The following ARSB variants were observed in gnomAD, a reference collection of about 807,000 sequenced individuals.
ARSB encodes the protein arylsulfatase B, also known as N-acetylgalactosamine-4-sulfatase.
ARSB carries 41 observed loss-of-function variants against 50.9 expected under a neutral mutation model. That is an observed-to-expected ratio of 0.81 (90% CI 0.63 to 1.04). The LOEUF is 1.04. Ranked by LOEUF, ARSB falls within the 50% of genes least tolerant of loss-of-function variation. ARSB has a pLI of 0.00. For missense variants in ARSB, 672 were observed against 693.3 expected, an observed-to-expected ratio of 0.97 and a Z score of 0.35; for synonymous variants, 269 against 284.8, an observed-to-expected ratio of 0.94 and a Z score of 0.56.
chr5:78,940,037 G>A (rs1377228924), intron 4 of ARSB, among the ~76,000 whole-genome samples: 1 of 152,214 alleles, frequency 6.6e-6, no homozygotes, highest in African/African-American at 2.4e-5. Context: ...GGCCAGTAAT[G>A]ATGAGCATTT....
chr5:78,831,283 A>G (rs1378800645), intron 6 of ARSB, among the ~76,000 whole-genome samples: 3 of 151,902 alleles, frequency 2.0e-5, no homozygotes. Context: ...TGGCACCCCC[A>G]AACTCTACCT....
chr5:78,894,586 G>T (rs1036512211), intron 4 of ARSB, among the ~76,000 whole-genome samples: 1 of 152,190 alleles, frequency 6.6e-6, no homozygotes, highest in African/African-American at 2.4e-5. Flanking sequence ...CAAAAGTCAC[G>T]AGAACACTGA....
intron 3 of ARSB, among the ~76,000 whole-genome samples, chr5:78,958,020 G>T (rs1751813839): frequency 6.6e-6 from 1 of 151,772 alleles, no homozygotes; most frequent in Non-Finnish European, 1.5e-5. Context: ...AAACTTTTTT[G>T]GAAAAATCAG....
At chr5:78,974,873 TG>T (rs1233799720) in intron 1 of ARSB, among the ~76,000 whole-genome samples, 1 of 152,214 alleles carries the variant, frequency 6.6e-6, no homozygotes, top group Non-Finnish European at 1.5e-5. Context: ...AGGGCTCTGC[TG>T]TGCTTTAGTG....
chr5:78,879,978 A>G (rs1380639759), intron 5 of ARSB, among the ~76,000 whole-genome samples: 1 of 27,738 alleles, frequency 3.6e-5, no homozygotes, highest in Non-Finnish European at 5.5e-4. Context: ...TTACTTTTAA[A>G]TAAAAAAAAA....
At chr5:78,934,704 G>A (rs1750502364) in intron 4 of ARSB, among the ~76,000 whole-genome samples, 1 of 152,028 alleles carries the variant, frequency 6.6e-6, no homozygotes, top group East Asian at 1.9e-4. Flanking sequence ...GCTGAGGCAG[G>A]AGAATTACTT....
At chr5:78,809,948 A>G (rs770626586) in intron 6 of ARSB, among the ~76,000 whole-genome samples, 5 of 152,170 alleles carry the variant, frequency 3.3e-5, no homozygotes, top group Non-Finnish European at 7.4e-5. Flanking sequence ...AGCAGGACCC[A>G]TCTCTGGGCC....
intron 6 of ARSB, among the ~76,000 whole-genome samples, chr5:78,803,288 G>T (rs921162902): frequency 6.6e-6 from 1 of 152,166 alleles, no homozygotes; most frequent in Non-Finnish European, 1.5e-5. Flanking sequence ...CTGCACTAGG[G>T]ACGGCCGCCT....
intron 5 of ARSB, among the ~76,000 whole-genome samples, chr5:78,865,276 T>C (rs888850639): frequency 6.6e-6 from 1 of 152,148 alleles, no homozygotes; most frequent in Non-Finnish European, 1.5e-5. Flanking sequence ...ATTCTCAACT[T>C]CTGTGCACTG....
intron 3 of ARSB, among the ~76,000 whole-genome samples, chr5:78,962,792 G>A (rs1284491725): frequency 1.3e-5 from 2 of 152,094 alleles, no homozygotes; most frequent in Non-Finnish European, 2.9e-5. Flanking sequence ...TTTGAAGTTC[G>A]AGGTAAAGTT....
At chr5:78,876,203 TGAA>T (rs1159223742) in intron 5 of ARSB, among the ~76,000 whole-genome samples, 2 of 152,028 alleles carry the variant, frequency 1.3e-5, no homozygotes, top group Admixed American at 6.5e-5. Flanking sequence ...CAAAGTAGAA[TGAA>T]GAAGAAACTT....
At chr5:78,985,360 C>T, upstream of ARSB, 2 of 1,084,520 alleles carry the variant, frequency 1.8e-6, no homozygotes, top group Non-Finnish European at 2.3e-6. Flanking sequence ...GGACGGCACC[C>T]CCAGCGGGCC....
intron 4 of ARSB, among the ~76,000 whole-genome samples, chr5:78,906,170 A>T (rs199947334): frequency 9.6e-5 from 8 of 83,762 alleles, no homozygotes; most frequent in African/African-American, 4.8e-4. Flanking sequence ...ATAAAAAATT[A>T]AAAAAAAAAA....
intron 4 of ARSB, among the ~76,000 whole-genome samples, chr5:78,891,749 C>T: frequency 6.6e-6 from 1 of 152,114 alleles, no homozygotes. Flanking sequence ...GTCAAGGCTG[C>T]TTCTTAATTA....
chr5:78,840,137 A>G (rs1745137422), intron 5 of ARSB, among the ~76,000 whole-genome samples: 1 of 152,212 alleles, frequency 6.6e-6, no homozygotes. Context: ...GAGCATAAAC[A>G]TCACCAGATG....
intron 4 of ARSB, among the ~76,000 whole-genome samples, chr5:78,939,479 G>A (rs1750794470): frequency 6.6e-6 from 1 of 151,700 alleles, no homozygotes; most frequent in African/African-American, 2.4e-5. Context: ...TTCCCTTCCT[G>A]TGTCCATGTT....
intron 4 of ARSB, among the ~76,000 whole-genome samples, chr5:78,932,733 C>T (rs563885186): frequency 1.3e-5 from 2 of 152,312 alleles, no homozygotes; most frequent in Admixed American, 6.5e-5. Flanking sequence ...TGGGTAGATA[C>T]ATGTAAAGTG....
chr5:78,833,345 G>T (rs945383658), intron 6 of ARSB, among the ~76,000 whole-genome samples: 1 of 48,176 alleles, frequency 2.1e-5, no homozygotes, highest in African/African-American at 8.8e-5. Flanking sequence ...GAAGACAGAA[G>T]TATTTTAAAG....
chr5:78,788,163 C>T (rs558920032), intron 6 of ARSB, among the ~76,000 whole-genome samples: 2 of 152,284 alleles, frequency 1.3e-5, no homozygotes, highest in African/African-American at 4.8e-5. Flanking sequence ...TTCTCGTTTC[C>T]TTCTGAGCTG....
Sources: gnomAD v4.1 joint callset for allele counts (sites outside exome capture counted in the v4.1 genomes callset) on GRCh38, gnomAD v4.1.1 for gene constraint, MANE v1.5 for transcripts, NCBI Gene and HGNC (gene_info 2026-07-23, HGNC 2026-07-21) for gene names.